DCC: variants seen among roughly 807,000 people sequenced by gnomAD.
DCC encodes the protein netrin receptor DCC.
A neutral mutation model predicts 172.5 loss-of-function variants in DCC; 58 were observed. The observed-to-expected ratio is 0.34, with a 90% confidence interval of 0.27 to 0.42. DCC has a LOEUF of 0.42. DCC is among the 10% of genes least tolerant of loss of function. The pLI is 1.00. For synonymous variants in DCC, 709 were observed against 644.5 expected (o/e 1.10, Z -1.52); for missense variants, 1,740 against 1,791.0 (o/e 0.97, Z 0.51).
intron 2 of DCC, among the ~76,000 whole-genome samples, chr18:52,828,496 T>C (rs980205012): frequency 6.6e-6 from 1 of 152,074 alleles, no homozygotes; most frequent in African/African-American, 2.4e-5. Flanking sequence ...TAGTTGCTAT[T>C]GTCTTAAAGA....
intron 1 of DCC, among the ~76,000 whole-genome samples, chr18:52,641,918 A>T (rs56068096): frequency 0.13 from 20,415 of 151,338 alleles, 1,522 homozygotes; most frequent in Admixed American, 0.21. Context: ...TTAAACATGC[A>T]TGTTTATAGC....
At chr18:53,020,757 G>A (rs1032770711) in intron 5 of DCC, among the ~76,000 whole-genome samples, 3 of 152,132 alleles carry the variant, frequency 2.0e-5, no homozygotes, top group African/African-American at 7.2e-5. Flanking sequence ...GGGTATGGTG[G>A]ATAAGTCAGA....
intron 12 of DCC, among the ~76,000 whole-genome samples, chr18:53,230,742 T>G (rs1453352038): frequency 1.3e-5 from 2 of 152,130 alleles, no homozygotes; most frequent in Middle Eastern, 3.4e-3. Flanking sequence ...CACTTCAAAG[T>G]TATAAAGTAT....
At position 52,717,448 on chromosome 18, in the gene DCC, T is replaced by TTTC. The variant is rs1555651531; in HGVS notation, c.92-34606_92-34605insTTC. Among the ~76,000 whole-genome samples the TTTC allele has an allele frequency of 7.6e-5, 11 of 145,554 alleles. No homozygotes were observed. In the East Asian group the frequency reaches 8.1e-4, roughly 11 times the overall value. ...TAAATTTCTTTTTTTTTTTTTTTTT[T>TTTC]CCAAAAAAAGGAAGCTCATTCTTTA... On this transcript the variant is annotated intron_variant, in intron 1 of 28. Transcript: ENST00000442544.
chr18:52,733,984 C>T (rs1304794624), intron 1 of DCC, among the ~76,000 whole-genome samples: 1 of 151,988 alleles, frequency 6.6e-6, no homozygotes, highest in Non-Finnish European at 1.5e-5. Flanking sequence ...GTTTCTAGTG[C>T]TTGACAATAT....
chr18:53,120,105 T>C (rs1228789759), intron 7 of DCC, among the ~76,000 whole-genome samples: 1 of 151,852 alleles, frequency 6.6e-6, no homozygotes, highest in Non-Finnish European at 1.5e-5. Context: ...CAACCATGAA[T>C]ATGTTCTTCA....
At chr18:53,369,182 T>G (rs565165501) in intron 15 of DCC, among the ~76,000 whole-genome samples, 9 of 152,098 alleles carry the variant, frequency 5.9e-5, no homozygotes, top group African/African-American at 1.7e-4. Context: ...AAGGATTTTA[T>G]TTTTTGTACT....
chr18:52,812,213 A>T (rs1404207160), intron 2 of DCC, among the ~76,000 whole-genome samples: 1 of 152,196 alleles, frequency 6.6e-6, no homozygotes, highest in Non-Finnish European at 1.5e-5. Flanking sequence ...AATTCACCTC[A>T]GCTACCCTTT....
chr18:53,257,063 G>A (rs1334804391), intron 12 of DCC, among the ~76,000 whole-genome samples: 2 of 152,178 alleles, frequency 1.3e-5, no homozygotes, highest in Admixed American at 1.3e-4. Context: ...CATTGATTTT[G>A]TATCCTGAGA....
At chr18:52,907,258 T>C (rs1052714256) in intron 3 of DCC, among the ~76,000 whole-genome samples, 1 of 145,064 alleles carries the variant, frequency 6.9e-6, no homozygotes, top group Admixed American at 7.1e-5. Flanking sequence ...ACATGATATG[T>C]CATGGATATA....
chr18:52,906,769 A>G (rs565785305), intron 3 of DCC, among the ~76,000 whole-genome samples: 4 of 151,768 alleles, frequency 2.6e-5, no homozygotes, highest in Admixed American at 2.6e-4. Context: ...ATACATATAG[A>G]TATATATATG....
intron 7 of DCC, among the ~76,000 whole-genome samples, chr18:53,100,374 T>A (rs917203893): frequency 6.6e-6 from 1 of 152,136 alleles, no homozygotes; most frequent in Non-Finnish European, 1.5e-5. Flanking sequence ...AGATAATAGT[T>A]CTAATTAAAG....
intron 1 of DCC, among the ~76,000 whole-genome samples, chr18:52,751,173 G>T (rs754817007): frequency 2.0e-5 from 3 of 152,184 alleles, no homozygotes; most frequent in African/African-American, 4.8e-5. Context: ...TGACTTGAAT[G>T]ATTTAAGTAT....
At chr18:53,080,174 G>A (rs1343090567) in intron 7 of DCC, among the ~76,000 whole-genome samples, 1 of 152,000 alleles carries the variant, frequency 6.6e-6, no homozygotes, top group East Asian at 1.9e-4. Context: ...TAATGTATTA[G>A]AAGGTCCTGA....
chr18:53,468,368 TTTA>T, intron 25 of DCC, among the ~76,000 whole-genome samples: 1 of 126,902 alleles, frequency 7.9e-6, no homozygotes, highest in African/African-American at 3.4e-5. Context: ...ATTTATTTTA[TTTA>T]TTTATTTATT....
chr18:53,051,634 C>A (rs1057000358), intron 5 of DCC, among the ~76,000 whole-genome samples: 1 of 152,034 alleles, frequency 6.6e-6, no homozygotes, highest in Non-Finnish European at 1.5e-5. Context: ...GTATAATATT[C>A]TTGGGTAACA....
At chr18:53,428,397 A>G (rs1291476041) in intron 21 of DCC, among the ~76,000 whole-genome samples, 2 of 79,106 alleles carry the variant, frequency 2.5e-5, no homozygotes, top group African/African-American at 9.5e-5. Flanking sequence ...ATATAATATA[A>G]TATAATATAT....
At chr18:53,161,707 C>A (rs1188925204) in intron 8 of DCC, among the ~76,000 whole-genome samples, 3 of 152,112 alleles carry the variant, frequency 2.0e-5, no homozygotes, top group Non-Finnish European at 2.9e-5. Flanking sequence ...GAGTTCCCCC[C>A]ACTTTTGAAA....
At chr18:53,240,694 T>C (rs1387868820) in intron 12 of DCC, among the ~76,000 whole-genome samples, 2 of 152,224 alleles carry the variant, frequency 1.3e-5, no homozygotes, top group Admixed American at 1.3e-4. Flanking sequence ...TCGTTGGGAC[T>C]AAATAAGATA....
Sources: gnomAD v4.1 joint callset for allele counts (sites outside exome capture counted in the v4.1 genomes callset) on GRCh38, gnomAD v4.1.1 for gene constraint, MANE v1.5 for transcripts, NCBI Gene and HGNC (gene_info 2026-07-23, HGNC 2026-07-21) for gene names.